The following PSMA5 variants were observed in gnomAD, a reference collection of about 807,000 sequenced individuals.
PSMA5 encodes the protein proteasome 20S subunit alpha 5.
PSMA5 carries 3 observed loss-of-function variants against 34.5 expected under a neutral mutation model. The observed-to-expected ratio is 0.09, with a 90% CI of 0.04 to 0.22. The LOEUF (loss-of-function observed/expected upper bound fraction) is 0.22. PSMA5 is among the 10% of genes least tolerant of loss of function. The pLI is 1.00. For synonymous variants in PSMA5, 88 were observed against 95.8 expected, an observed-to-expected ratio of 0.92 and a Z score of 0.47; for missense variants, 120 against 286.1, an observed-to-expected ratio of 0.42 and a Z score of 4.19.
chr1:109,405,236 C>T (rs936636390), intron 8 of PSMA5, among the ~76,000 whole-genome samples: 11 of 152,096 alleles, frequency 7.2e-5, no homozygotes, highest in African/African-American at 1.7e-4. Flanking sequence ...TTGGCCCTAC[C>T]GTCTCAAAGC....
chr1:109,415,348 T>C lies in PSMA5; in HGVS notation c.112A>G (p.Ile38Val). 4 of 1,613,488 alleles carry C rather than the reference T, an allele frequency of 2.5e-6. No homozygotes were observed. The highest frequency in any genetic ancestry group is 2.2e-5 in the East Asian group (1 of 44,874). ...IEAIKLGSTA[I>V]GIQTSEGVCL... ...ACACCCTCTGATGTCTGGATCCCAATGGCTGTAGAACCAAGCTAAAGAGAA... is the reference window on the plus strand; with the variant it reads ...ACACCCTCTGATGTCTGGATCCCAACGGCTGTAGAACCAAGCTAAAGAGAA... The change falls in exon 3 of 9, where the codon ATT (isoleucine) becomes GTT (valine). Residue 38 changes from isoleucine (I) to valine (V), a missense_variant. Ile to Val is a conservative substitution (Grantham distance 29). Around this residue, in one of 3 missense-constraint regions of PSMA5, gnomAD observed 17 missense variants for 63.5 expected, o/e 0.27. Transcript: ENST00000271308.
intron 1 of PSMA5, among the ~76,000 whole-genome samples, chr1:109,424,202 C>A (rs1434944845): frequency 1.3e-5 from 2 of 152,204 alleles, no homozygotes; most frequent in African/African-American, 4.8e-5. Flanking sequence ...ATATTGAATG[C>A]AATCCCTCAT....
chr1:109,421,110 C>T (rs1479256437), intron 2 of PSMA5, among the ~76,000 whole-genome samples: 2 of 151,918 alleles, frequency 1.3e-5, no homozygotes, highest in Non-Finnish European at 2.9e-5. Context: ...AAGCTTGAGC[C>T]CAGGAGTTAG....
intron 2 of PSMA5, among the ~76,000 whole-genome samples, 186 bp downstream of exon 2, chr1:109,421,674 A>G (rs749846286): frequency 9.2e-5 from 14 of 152,184 alleles, no homozygotes; most frequent in Non-Finnish European, 1.8e-4. Context: ...TAACTGCTCA[A>G]AAAGTTTTAA....
chr1:109,422,804 G>T (rs759192523), intron 1 of PSMA5, among the ~76,000 whole-genome samples: 1 of 152,138 alleles, frequency 6.6e-6, no homozygotes, highest in Non-Finnish European at 1.5e-5. Context: ...GTTAGTCACA[G>T]GTACATTTCT....
At chr1:109,408,355 C>A (rs180767272) in intron 8 of PSMA5, among the ~76,000 whole-genome samples, 284 of 152,284 alleles carry the variant, frequency 1.9e-3, no homozygotes, top group Non-Finnish European at 3.2e-3. Flanking sequence ...CTTTCTGCTC[C>A]CTTTTCCAGA....
Position 109,399,477 on chromosome 1 carries a change from ATTTC to A in PSMA5, c.*2532_*2535del, listed in dbSNP as rs775343043. ...GGAGGAAAGGGGGTTATAAAGGAAT[ATTTC>A]TTTGTTTGGGTGACACAAAGATGAA... On this transcript the variant is annotated 3_prime_UTR_variant, in exon 9 of 9. Coordinates refer to ENST00000271308, the MANE Select transcript of PSMA5 (RefSeq NM_002790.4). 2 of 152,176 alleles carry A rather than the reference ATTTC, an allele frequency of 1.3e-5. No individual in the cohort carries two copies. Among genetic ancestry groups the A allele is most frequent in the Non-Finnish European group, 2.9e-5 (2 of 68,062 alleles). 9.4% of individuals were successfully genotyped at this position (152,176 alleles called of 1,614,324 possible).
chr1:109,415,392 A>G (rs371452464), intron 2 of PSMA5, 29 bp from the exon 3 acceptor site: 650 of 1,599,330 alleles, frequency 4.1e-4, no homozygotes, highest in Non-Finnish European at 5.4e-4. Flanking sequence ...TGATTACCAT[A>G]TATAGGTCAA....
At chr1:109,404,340 T>C (rs919097464) in intron 8 of PSMA5, among the ~76,000 whole-genome samples, 1 of 151,368 alleles carries the variant, frequency 6.6e-6, no homozygotes, top group African/African-American at 2.5e-5. Context: ...TAAATAAAAA[T>C]GTTACTACTG....
chr1:109,417,626 C>T (rs932031502), intron 2 of PSMA5, among the ~76,000 whole-genome samples: 12 of 152,122 alleles, frequency 7.9e-5, no homozygotes, highest in Non-Finnish European at 1.6e-4. Flanking sequence ...GTACTGAAAA[C>T]GGGATAAATA....
chr1:109,409,191 C>G (rs1299249410), intron 8 of PSMA5, among the ~76,000 whole-genome samples: 1 of 152,206 alleles, frequency 6.6e-6, no homozygotes, highest in Non-Finnish European at 1.5e-5. Context: ...GAGTCTCGCT[C>G]TATCGCCCAG....
chr1:109,406,812 CA>C (rs1426970722), intron 8 of PSMA5, among the ~76,000 whole-genome samples: 3 of 152,064 alleles, frequency 2.0e-5, no homozygotes, highest in Non-Finnish European at 4.4e-5. Flanking sequence ...ACTGGGGTGA[CA>C]GATACTGGGG....
At chr1:109,424,034 T>C (rs1251931889) in intron 1 of PSMA5, among the ~76,000 whole-genome samples, 2 of 152,226 alleles carry the variant, frequency 1.3e-5, no homozygotes, top group African/African-American at 2.4e-5. Context: ...GACTGGACTT[T>C]TCCCAAAATG....
At chr1:109,423,921 CAA>C (rs1418306084) in intron 1 of PSMA5, among the ~76,000 whole-genome samples, 4 of 152,292 alleles carry the variant, frequency 2.6e-5, no homozygotes, top group Non-Finnish European at 4.4e-5. Context: ...AAATAGGACC[CAA>C]ACTCCTTAGC....
intron 3 of PSMA5, chr1:109,414,988 C>T (rs762662678): frequency 2.6e-6 from 1 of 384,746 alleles, no homozygotes; most frequent in Non-Finnish European, 4.7e-6. Flanking sequence ...TCAACCTTTG[C>T]ATATTTCAAC....
chr1:109,413,905 C>G (rs1275589857), intron 3 of PSMA5, among the ~76,000 whole-genome samples: 1 of 152,192 alleles, frequency 6.6e-6, no homozygotes, highest in African/African-American at 2.4e-5. Flanking sequence ...TGGACTATTA[C>G]AAATTTTTCA....
chr1:109,419,103 A>C (rs1445098256), intron 2 of PSMA5, among the ~76,000 whole-genome samples: 2 of 152,176 alleles, frequency 1.3e-5, no homozygotes, highest in Non-Finnish European at 2.9e-5. Flanking sequence ...CAGTGAGCCG[A>C]GATCACGCCA....
At chr1:109,411,806 T>C in intron 6 of PSMA5, 71 bp downstream of exon 6, 1 of 1,451,364 alleles carries the variant, frequency 6.9e-7, no homozygotes, top group Non-Finnish European at 9.7e-7. Flanking sequence ...ACAATAATCT[T>C]CTCAGTCTCC....
chr1:109,425,573 CCT>C, intron 1 of PSMA5: 1 of 152,210 alleles, frequency 6.6e-6, no homozygotes, highest in South Asian at 2.1e-4. Context: ...GTCTGCCTTC[CCT>C]GACTTTAAAA....
Sources: allele counts gnomAD v4.1 joint callset (sites outside exome capture counted in the v4.1 genomes callset), GRCh38; gene constraint gnomAD v4.1.1; regional missense constraint gnomAD v4.1.1; transcripts MANE v1.5; gene names NCBI Gene and HGNC (gene_info 2026-07-23, HGNC 2026-07-21).